PPP4R3A: variants seen among roughly 807,000 people sequenced by gnomAD.
PPP4R3A encodes the protein protein phosphatase 4 regulatory subunit 3A, also known as serine/threonine-protein phosphatase 4 regulatory subunit 3A.
In PPP4R3A, 15 loss-of-function variants were observed where a neutral mutation model predicts 91.7. The ratio of observed to expected loss-of-function variants is 0.16; its 90% CI spans 0.11 to 0.25. The LOEUF (loss-of-function observed/expected upper bound fraction) is 0.25, where lower values mean the gene tolerates loss of function less well. Ranked by LOEUF, PPP4R3A falls within the 10% of genes least tolerant of loss-of-function variation. The probability of loss-of-function intolerance (pLI) is 1.00; values close to 1 mark genes in which losing one functional copy is unlikely to be tolerated. For missense variants in PPP4R3A, 623 were observed against 998.4 expected (o/e 0.62, Z 5.07); for synonymous variants, 377 against 348.7 (o/e 1.08, Z -0.91).
intron 14 of PPP4R3A, among the ~76,000 whole-genome samples, chr14:91,459,894 G>GC (rs1888018208): frequency 6.6e-6 from 1 of 151,562 alleles, no homozygotes; most frequent in African/African-American, 2.4e-5. Flanking sequence ...CAGAAATGAG[G>GC]GTAGACAGGC....
Position 91,473,228 on chromosome 14 carries a change from T to C in PPP4R3A, c.1398+11A>G. On this transcript the variant is annotated intron_variant, in intron 8 of 14. Coordinates refer to ENST00000554943, the MANE Select transcript of PPP4R3A (RefSeq NM_001366432.2). ...TAGCTATGAAAAAGAGGGGAAATGC[T>C]CATGGCTTACATTGGCAGTGGCTAG... 1 of 1,613,040 alleles carries C rather than the reference T, an allele frequency of 6.2e-7. No individual in the cohort carries two copies. Among genetic ancestry groups the C allele is most frequent in the South Asian group, 1.1e-5 (1 of 90,866 alleles).
intron 1 of PPP4R3A, among the ~76,000 whole-genome samples, chr14:91,493,237 A>T (rs1487367282): frequency 6.6e-6 from 1 of 151,168 alleles, no homozygotes; most frequent in Non-Finnish European, 1.5e-5. Context: ...AAAAATACAA[A>T]AATTAGCCGG....
chr14:91,510,467 G>A (rs1323258423), upstream of PPP4R3A: 1 of 152,368 alleles, frequency 6.6e-6, no homozygotes, highest in Non-Finnish European at 1.5e-5. Context: ...GGGAGCGGAG[G>A]AGGCGGGACG....
intron 1 of PPP4R3A, among the ~76,000 whole-genome samples, chr14:91,508,472 G>A (rs1314073980): frequency 6.6e-6 from 1 of 152,126 alleles, no homozygotes; most frequent in African/African-American, 2.4e-5. Flanking sequence ...GTTAGCAACT[G>A]CAAAATATAA....
At chr14:91,498,017 T>A (rs1331355966) in intron 1 of PPP4R3A, among the ~76,000 whole-genome samples, 1 of 152,206 alleles carries the variant, frequency 6.6e-6, no homozygotes, top group African/African-American at 2.4e-5. Flanking sequence ...TCTGGTTTTT[T>A]AAAAATTAGG....
intron 9 of PPP4R3A, among the ~76,000 whole-genome samples, chr14:91,471,452 T>C (rs753418907): frequency 6.6e-6 from 1 of 152,202 alleles, no homozygotes; most frequent in Non-Finnish European, 1.5e-5. Flanking sequence ...CCTCCTTTAC[T>C]ACTTGTAACG....
rs970061851 is a variant in PPP4R3A, at chr14:91,458,730, C to T, written c.*29G>A. 6.2e-7 allele frequency: 1 copy of T among 1,613,772 alleles called. No homozygotes were observed. Among genetic ancestry groups the T allele is most frequent in the African/African-American group, 1.3e-5 (1 of 74,872 alleles). On this transcript the variant is annotated 3_prime_UTR_variant, in exon 15 of 15. Transcript: ENST00000554943. ...GGGGTGGAGAACCAGTTTTTTTCAA[C>T]AGGTACTGATCCTAGGCCGTTGCCA...
intron 10 of PPP4R3A, among the ~76,000 whole-genome samples, chr14:91,469,115 G>GT (rs1888679510): frequency 4.8e-5 from 1 of 20,948 alleles, no homozygotes; most frequent in Non-Finnish European, 7.6e-5. Context: ...AATTTTTTCT[G>GT]TAAAAAAAAA....
chr14:91,490,197 A>T (rs1434818526), intron 2 of PPP4R3A, among the ~76,000 whole-genome samples: 1 of 152,254 alleles, frequency 6.6e-6, no homozygotes, highest in African/African-American at 2.4e-5. Context: ...GTTGATACTA[A>T]GTGAAAGATT....
rs775801003 is a variant in PPP4R3A at position 91,476,411 on chromosome 14, G to A, written c.1107C>T (p.Ile369=). The A allele has an allele frequency of 1.3e-6, 2 of 1,591,524 alleles. No homozygotes were observed. Among genetic ancestry groups the A allele is most frequent in the South Asian group, 1.2e-5 (1 of 86,562 alleles). Reference sequence around the variant, plus strand: ...AATGAGGAGACACAAAACTTACAAGGATGACTTCTAAAGCTGGTAATATGC... The same window carrying A: ...AATGAGGAGACACAAAACTTACAAGAATGACTTCTAAAGCTGGTAATATGC... ...NMGILPALEV[I]LGMDDTQVRS... Residue 369 remains isoleucine (I), a synonymous_variant, in exon 6 of 15, where the codon ATC becomes ATT. Transcript: ENST00000554943.
intron 1 of PPP4R3A, among the ~76,000 whole-genome samples, chr14:91,497,302 G>C (rs540572401): frequency 1.7e-4 from 25 of 151,370 alleles, no homozygotes; most frequent in Non-Finnish European, 2.7e-4. Flanking sequence ...CCTCTCCAAT[G>C]AAACAGATGC....
At chr14:91,473,449 G>C in intron 7 of PPP4R3A, 79 bp from the exon 8 acceptor site, 2 of 1,431,660 alleles carry the variant, frequency 1.4e-6, no homozygotes, top group Non-Finnish European at 1.9e-6. Context: ...ACATACCACA[G>C]CATTATACCT....
intron 10 of PPP4R3A, among the ~76,000 whole-genome samples, chr14:91,466,655 G>A (rs1323021079): frequency 6.6e-6 from 1 of 151,900 alleles, no homozygotes; most frequent in African/African-American, 2.4e-5. Context: ...CATACTCATG[G>A]TGAACTAAGA....
chr14:91,457,884 G>A lies in PPP4R3A; in HGVS notation c.*875C>T, dbSNP rs1595042140. The A allele has an allele frequency of 6.6e-6, 1 of 152,468 alleles. No individual in the cohort carries two copies. Among genetic ancestry groups the A allele is most frequent in the South Asian group, 2.1e-4 (1 of 4,826 alleles). The allele number at this position is 152,468 out of a possible 1,614,324, so 9.4% of individuals were successfully genotyped here. ...GTATTGCTTTTGTATGCACATAGTT[G>A]TAAGATTACTTTGCTTTTGTCAATA... is the stretch of plus-strand genomic sequence containing the variant. On this transcript the variant is annotated 3_prime_UTR_variant, in exon 15 of 15. Coordinates refer to ENST00000554943, the MANE Select transcript of PPP4R3A (RefSeq NM_001366432.2).
chr14:91,480,302 T>A (rs1418990531), intron 4 of PPP4R3A, among the ~76,000 whole-genome samples: 1 of 152,196 alleles, frequency 6.6e-6, no homozygotes, highest in Non-Finnish European at 1.5e-5. Context: ...GTCACCATCC[T>A]TCAGATGGGG....
intron 2 of PPP4R3A, among the ~76,000 whole-genome samples, chr14:91,486,964 T>C (rs1047630943): frequency 1.3e-5 from 2 of 151,432 alleles, no homozygotes; most frequent in African/African-American, 2.4e-5. Flanking sequence ...TATATCCTTT[T>C]GGCAGGGTGC....
chr14:91,496,857 T>C (rs994636722), intron 1 of PPP4R3A, among the ~76,000 whole-genome samples: 1 of 152,178 alleles, frequency 6.6e-6, no homozygotes, highest in South Asian at 2.1e-4. Context: ...TCCTAGTCTA[T>C]TGGGTTTCCC....
chr14:91,507,954 T>TAA (rs1225830850), intron 1 of PPP4R3A, among the ~76,000 whole-genome samples: 3 of 152,124 alleles, frequency 2.0e-5, no homozygotes, highest in African/African-American at 7.2e-5. Context: ...AAATCCTGTT[T>TAA]TTATTTTTTT....
chr14:91,466,374 T>A (rs1471395941), intron 10 of PPP4R3A: 1 of 985,692 alleles, frequency 1.0e-6, no homozygotes, highest in East Asian at 1.1e-4. Flanking sequence ...ATTAATCAAG[T>A]CCTTCATGAG....
Sources: gnomAD v4.1 joint callset for allele counts (sites outside exome capture counted in the v4.1 genomes callset) on GRCh38, gnomAD v4.1.1 for gene constraint, MANE v1.5 for transcripts, NCBI Gene and HGNC (gene_info 2026-07-23, HGNC 2026-07-21) for gene names.